The following CCDC62 variants were observed in gnomAD, a reference collection of about 807,000 sequenced individuals.
The protein encoded by CCDC62 is coiled-coil domain-containing protein 62.
A neutral mutation model predicts 80.8 loss-of-function variants in CCDC62; 72 were observed. The ratio of observed to expected loss-of-function variants is 0.89; its 90% CI spans 0.74 to 1.08. The LOEUF is 1.08. Ranked by LOEUF, CCDC62 falls within the 50% of genes least tolerant of loss-of-function variation. CCDC62 has a pLI of 0.00. For synonymous variants in CCDC62, 286 were observed against 296.5 expected (o/e 0.96, Z 0.36); for missense variants, 704 against 809.4 (o/e 0.87, Z 1.58).
chr12:122,775,307 G>A (rs928641053), intron 1 of CCDC62, among the ~76,000 whole-genome samples: 2 of 152,112 alleles, frequency 1.3e-5, no homozygotes, highest in African/African-American at 4.8e-5. Flanking sequence ...CTGGCGAGTA[G>A]AGGAAGGAGC....
Position 122,774,616 on chromosome 12 carries a change from G to T in CCDC62, c.-55G>T, listed in dbSNP as rs548785472. 1.3e-3 allele frequency: 1,596 copies of T among 1,222,462 alleles called. 1 individual carries two copies. The highest frequency in any genetic ancestry group is 4.3e-3 in the South Asian group (103 of 24,046). The allele number at this position is 1,222,462 out of a possible 1,614,324, so 75.7% of individuals were successfully genotyped here. A position where few individuals can be genotyped will look rare whatever the true frequency, so the allele number is the denominator to read the frequency against. ...CGCTCGGGGCAGGCGCGCCGATGGC[G>T]TTTCTGAGGTGACGCCGCCCACACC... is the stretch of plus-strand genomic sequence containing the variant. On this transcript the variant is annotated 5_prime_UTR_variant, in exon 1 of 13. Transcript: ENST00000253079.
rs575970539 is a variant in CCDC62, at chr12:122,793,347, C to T, written c.772+1226C>T. Among the ~76,000 whole-genome samples the T allele has an allele frequency of 2.0e-5, 3 of 152,114 alleles. No homozygotes were observed. In the East Asian group the frequency reaches 5.8e-4, roughly 29 times the overall value. On this transcript the variant is annotated intron_variant, in intron 6 of 12. Coordinates refer to ENST00000253079, the MANE Select transcript of CCDC62 (RefSeq NM_201435.5). ...ACTTTACCTCTAAATCAATGACTTT[C>T]CTAACACAAACCACTGAAAAGAAAG...
chr12:122,782,025 CAAAAAAA>C (rs370400310), intron 3 of CCDC62, among the ~76,000 whole-genome samples: 1 of 65,406 alleles, frequency 1.5e-5, no homozygotes, highest in Non-Finnish European at 3.7e-5. Context: ...GCCTGGGTGA[CAAAAAAA>C]AAAAAAAAAA....
intron 5 of CCDC62, among the ~76,000 whole-genome samples, chr12:122,790,537 A>T (rs2030539566): frequency 6.6e-6 from 1 of 152,122 alleles, no homozygotes; most frequent in South Asian, 2.1e-4. Context: ...GTGATCCTGT[A>T]GTCCCAGCTA....
intron 7 of CCDC62, among the ~76,000 whole-genome samples, chr12:122,797,629 C>T (rs1276110306): frequency 6.6e-6 from 1 of 152,140 alleles, no homozygotes; most frequent in Non-Finnish European, 1.5e-5. Flanking sequence ...CAACCTCCAC[C>T]TCCTAGTTAC....
chr12:122,792,272 G>T, intron 6 of CCDC62, 151 bp downstream of exon 6: 1 of 591,156 alleles, frequency 1.7e-6, no homozygotes. Flanking sequence ...CCAGGCTGGA[G>T]TGCAGTGGTG....
At position 122,820,586 on chromosome 12, in the gene CCDC62, G is replaced by A. The variant is rs754751590; in HGVS notation, c.2002-2780G>A. 2.4e-4 allele frequency among the ~76,000 whole-genome samples: 37 copies of A among 152,296 alleles called. 1 individual carries two copies. The highest frequency in any genetic ancestry group is 3.4e-3 in the Middle Eastern group (1 of 294). The stretch of plus-strand genomic sequence containing the variant: ...TAGCAAGGCACGGTGGTTCACGCCT[G>A]TAATCCCAGCACTTTGGGAGGCCCA... On this transcript the variant is annotated intron_variant, in intron 11 of 12. Coordinates refer to ENST00000253079, the MANE Select transcript of CCDC62 (RefSeq NM_201435.5).
intron 11 of CCDC62, among the ~76,000 whole-genome samples, chr12:122,815,443 AG>A (rs1238600893): frequency 7.9e-6 from 1 of 126,624 alleles, no homozygotes; most frequent in Non-Finnish European, 1.8e-5. Context: ...CCAACTTAAC[AG>A]GTTTTTTTTT....
intron 11 of CCDC62, among the ~76,000 whole-genome samples, chr12:122,821,602 A>G (rs557995626): frequency 4.6e-5 from 7 of 150,794 alleles, no homozygotes; most frequent in Non-Finnish European, 1.0e-4. Context: ...GGTGTTTGTC[A>G]CCATGCCTGG....
intron 7 of CCDC62, among the ~76,000 whole-genome samples, chr12:122,797,860 G>A (rs2031056096): frequency 1.3e-5 from 2 of 152,164 alleles, no homozygotes; most frequent in South Asian, 4.1e-4. Context: ...GTTTAGTATA[G>A]CAAATAGGTC....
At chr12:122,792,850 C>T (rs900633046) in intron 6 of CCDC62, among the ~76,000 whole-genome samples, 2 of 152,062 alleles carry the variant, frequency 1.3e-5, no homozygotes, top group South Asian at 2.1e-4. Context: ...TTTGTGGGAC[C>T]GATGGTGGAC....
intron 3 of CCDC62, among the ~76,000 whole-genome samples, chr12:122,784,573 G>A (rs952093109): frequency 6.6e-6 from 1 of 152,116 alleles, no homozygotes; most frequent in Non-Finnish European, 1.5e-5. Flanking sequence ...GCTGATGCCT[G>A]TAATCTTAGC....
intron 11 of CCDC62, among the ~76,000 whole-genome samples, chr12:122,817,042 TTTTATTTA>T (rs371995378): frequency 6.7e-6 from 1 of 150,218 alleles, no homozygotes; most frequent in African/African-American, 2.5e-5. Context: ...TATTTTTAAA[TTTTATTTA>T]TTTATTTATT....
intron 9 of CCDC62, 27 bp downstream of exon 9, chr12:122,801,879 C>T (rs1351498140): frequency 6.3e-7 from 1 of 1,599,466 alleles, no homozygotes; most frequent in Non-Finnish European, 8.5e-7. Flanking sequence ...TCTGTAAACA[C>T]CCACGGAGCA....
rs372475562 is a variant in CCDC62, at chr12:122,805,578, G to C, written c.1707-573G>C. Among the ~76,000 whole-genome samples the C allele has an allele frequency of 8.5e-5, 12 of 140,854 alleles. No homozygotes were observed. In the East Asian group the frequency reaches 8.7e-4, roughly 10 times the overall value. 92.4% of individuals were successfully genotyped at this position (140,854 alleles called of 152,430 possible). On this transcript the variant is annotated intron_variant, in intron 9 of 12. Coordinates refer to ENST00000253079, the MANE Select transcript of CCDC62 (RefSeq NM_201435.5). ...CGCCCAGGCTGGAGTGCAGTGGCGC[G>C]ATCTCAGCTCCCTGCAAGCTCTGCC...
chr12:122,811,167 A>G (rs2031855768), intron 10 of CCDC62, among the ~76,000 whole-genome samples: 1 of 151,718 alleles, frequency 6.6e-6, no homozygotes, highest in Non-Finnish European at 1.5e-5. Context: ...CCTAAAGTAT[A>G]ATAATAAAAA....
At chr12:122,815,323 C>T (rs1433759125) in intron 11 of CCDC62, among the ~76,000 whole-genome samples, 1 of 152,242 alleles carries the variant, frequency 6.6e-6, no homozygotes, top group Non-Finnish European at 1.5e-5. Context: ...AAGCAATCCT[C>T]CTGCCTCAGC....
chr12:122,821,680 C>G (rs2032408690), intron 11 of CCDC62, among the ~76,000 whole-genome samples: 1 of 152,064 alleles, frequency 6.6e-6, no homozygotes, highest in Non-Finnish European at 1.5e-5. Context: ...CTCCTGGGCT[C>G]AAGAGATCCT....
intron 2 of CCDC62, among the ~76,000 whole-genome samples, chr12:122,780,028 T>C (rs1002231200): frequency 5.9e-5 from 9 of 151,336 alleles, no homozygotes; most frequent in African/African-American, 2.2e-4. Context: ...TAAGCTTTGG[T>C]AGGCCAGGTA....
Sources: allele counts gnomAD v4.1 joint callset (sites outside exome capture counted in the v4.1 genomes callset), GRCh38; gene constraint gnomAD v4.1.1; transcripts MANE v1.5; gene names NCBI Gene and HGNC (gene_info 2026-07-23, HGNC 2026-07-21).